Variants in GIGYF2 observed in about 807,000 individuals in gnomAD.
The protein encoded by GIGYF2 is GRB10-interacting GYF protein 2.
A neutral mutation model predicts 208.1 loss-of-function variants in GIGYF2; 25 were observed. That is an observed-to-expected ratio of 0.12 (90% CI 0.09 to 0.17). GIGYF2 has a LOEUF of 0.17. GIGYF2 is among the 10% of genes least tolerant of loss of function. The pLI is 1.00. For missense variants in GIGYF2, 1,302 were observed against 1,579.4 expected (o/e 0.82, Z 2.98); for synonymous variants, 534 against 543.8 (o/e 0.98, Z 0.25).
chr2:232,839,484 A>G (rs960737417), intron 22 of GIGYF2, among the ~76,000 whole-genome samples: 3 of 152,212 alleles, frequency 2.0e-5, no homozygotes, highest in Non-Finnish European at 4.4e-5. Flanking sequence ...GCTTTCGTCA[A>G]TTAAAAAATC....
At chr2:232,847,092 T>C (rs762048559) in intron 26 of GIGYF2, among the ~76,000 whole-genome samples, 15 of 152,222 alleles carry the variant, frequency 9.9e-5, no homozygotes, top group Non-Finnish European at 1.8e-4. Context: ...ACTTCAGCCT[T>C]AGTCAAGTAA....
intron 2 of GIGYF2, among the ~76,000 whole-genome samples, chr2:232,722,374 C>T (rs1696984323): frequency 6.6e-6 from 1 of 152,030 alleles, no homozygotes; most frequent in African/African-American, 2.4e-5. Context: ...GGGAAGAGCC[C>T]CTTATAAAAC....
chr2:232,770,728 A>AT (rs59336151), intron 8 of GIGYF2, among the ~76,000 whole-genome samples: 47,930 of 150,960 alleles, frequency 0.32, 7,939 homozygotes, highest in South Asian at 0.62. Flanking sequence ...CATTTCTCCT[A>AT]TTTTTTTTGG....
chr2:232,749,136 A>T (rs1698252913), intron 5 of GIGYF2, 54 bp downstream of exon 5: 2 of 877,636 alleles, frequency 2.3e-6, no homozygotes, highest in South Asian at 1.3e-5. Flanking sequence ...CTGCTAAGGC[A>T]TGAAAATAGG....
chr2:232,736,114 CTCG>C, intron 3 of GIGYF2: 1 of 958,258 alleles, frequency 1.0e-6, no homozygotes, highest in South Asian at 4.8e-5. Flanking sequence ...TATATGTAAT[CTCG>C]AAGTTTTCTT....
Position 232,791,240 on chromosome 2 carries a change from G to T in GIGYF2, c.1094-18G>T. The T allele has an allele frequency of 6.2e-7, 1 of 1,613,942 alleles. No homozygotes were observed. The highest frequency in any genetic ancestry group is 8.5e-7 in the Non-Finnish European group (1 of 1,179,922). On this transcript the variant is annotated intron_variant, in intron 11 of 28. Transcript: ENST00000373563. ...CCAAAACTTTCGTAAGTTCAACTAA[G>T]ATTACTTCGTGTTCCAGAAGCTAGT...
chr2:232,812,410 A>G lies in GIGYF2; in HGVS notation c.2026A>G (p.Ile676Val). The change falls in exon 18 of 29, where the codon ATT becomes GTT. Residue 676 changes from isoleucine (I) to valine (V), a missense_variant. Physicochemically the swap from Ile to Val is conservative, Grantham distance 29. Coordinates refer to ENST00000373563, the MANE Select transcript of GIGYF2 (RefSeq NM_001103146.3). The part of the protein sequence containing the change: ...LKMRISDQNI[I>V]PSVTRSVSVP... ...TTGCAGAATATCTGATCAGAACATC[A>G]TTCCCTCAGTAACTAGGTCTGTGTC... The G allele has an allele frequency of 6.8e-7, 1 of 1,466,350 alleles. No homozygotes were observed. The highest frequency in any genetic ancestry group is 9.6e-7 in the Non-Finnish European group (1 of 1,045,772). 90.8% of individuals were successfully genotyped at this position (1,466,350 alleles called of 1,614,324 possible).
In GIGYF2 at chr2:232,784,386, C is replaced by CTTTTTTTTTTTTTTTTTT. The variant is rs10645449; in HGVS notation, c.533-2760_533-2743dup. Among the ~76,000 whole-genome samples the CTTTTTTTTTTTTTTTTTT allele has an allele frequency of 1.7e-4, 16 of 92,310 alleles. 2 individuals carry two copies. Among genetic ancestry groups the CTTTTTTTTTTTTTTTTTT allele is most frequent in the Non-Finnish European group, 2.9e-4 (14 of 49,052 alleles). The allele number at this position is 92,310 out of a possible 152,430, so 60.6% of individuals were successfully genotyped here. A position where few individuals can be genotyped will look rare whatever the true frequency, so the allele number is the denominator to read the frequency against. ...TCTAGCTACTTACACGAAATAATTTCTTTTTTTTTTTTTTTTTTTTTGAGA... is the reference window on the plus strand; with the variant it reads ...TCTAGCTACTTACACGAAATAATTTCTTTTTTTTTTTTTTTTTTTTTTTTTTTTTTTTTTTTTTTGAGA... On this transcript the variant is annotated intron_variant, in intron 8 of 28. Transcript: ENST00000373563.
intron 8 of GIGYF2, among the ~76,000 whole-genome samples, chr2:232,764,070 C>T (rs1011254492): frequency 6.6e-6 from 1 of 152,122 alleles, no homozygotes; most frequent in Non-Finnish European, 1.5e-5. Flanking sequence ...ATCAGATTTT[C>T]AAATCATTCA....
At chr2:232,791,539 C>T (rs1700070820) in intron 12 of GIGYF2, 93 bp downstream of exon 12, 1 of 1,068,296 alleles carries the variant, frequency 9.4e-7, no homozygotes, top group Admixed American at 2.0e-5. Flanking sequence ...CCTCCTAGAA[C>T]TGCTTTTAGT....
At chr2:232,816,032 CAAG>C in intron 19 of GIGYF2, 1 of 375,462 alleles carries the variant, frequency 2.7e-6, no homozygotes, top group Non-Finnish European at 5.0e-6. Context: ...TTATAAGTAA[CAAG>C]AATGTGAGAA....
intron 12 of GIGYF2, among the ~76,000 whole-genome samples, chr2:232,791,856 G>A (rs187833989): frequency 1.9e-4 from 29 of 152,316 alleles, no homozygotes; most frequent in Admixed American, 1.6e-3. Flanking sequence ...AAGAGGACAA[G>A]TAGAGAACAT....
chr2:232,826,975 A>AT (rs1421199764), intron 21 of GIGYF2, among the ~76,000 whole-genome samples: 2 of 152,174 alleles, frequency 1.3e-5, no homozygotes, highest in African/African-American at 4.8e-5. Flanking sequence ...TGATTGTTGC[A>AT]TTTTTTTAAG....
intron 2 of GIGYF2, among the ~76,000 whole-genome samples, chr2:232,727,777 G>A (rs6704763): frequency 0.66 from 99,532 of 151,938 alleles, 32,884 homozygotes; most frequent in South Asian, 0.79. Context: ...TTGTAACTCT[G>A]TGGATTCACT....
intron 28 of GIGYF2, among the ~76,000 whole-genome samples, chr2:232,851,750 A>G (rs1690342523): frequency 6.6e-6 from 1 of 152,188 alleles, no homozygotes; most frequent in South Asian, 2.1e-4. Context: ...TGAATGTAAA[A>G]TTAGTGGCTA....
At chr2:232,856,479 C>T in intron 28 of GIGYF2, among the ~76,000 whole-genome samples, 1 of 151,962 alleles carries the variant, frequency 6.6e-6, no homozygotes, top group Admixed American at 6.5e-5. Flanking sequence ...CATTTGAGGT[C>T]AGGAGTTCAA....
chr2:232,726,751 C>A (rs78094845), intron 2 of GIGYF2, among the ~76,000 whole-genome samples: 1 of 152,014 alleles, frequency 6.6e-6, no homozygotes, highest in African/African-American at 2.4e-5. Context: ...AGATCTTGCC[C>A]GCTCCATACC....
intron 16 of GIGYF2, chr2:232,811,004 AT>A (rs973460676): frequency 8.7e-6 from 4 of 462,148 alleles, no homozygotes; most frequent in African/African-American, 5.9e-5. Context: ...TGAATTGTGA[AT>A]TTTTTTGCTA....
In GIGYF2 at chr2:232,815,983, A is replaced by G. The variant is rs556471863; in HGVS notation, c.2208+246A>G. The G allele has an allele frequency of 1.6e-4, 75 of 482,494 alleles. 1 individual carries two copies. In the Middle Eastern group the frequency reaches 1.7e-3, roughly 11 times the overall value. 29.9% of individuals were successfully genotyped at this position (482,494 alleles called of 1,614,324 possible). On this transcript the variant is annotated intron_variant, in intron 19 of 28. Transcript: ENST00000373563. ...GGCACATTGTTGATTATAGACACAT[A>G]TATATTTTAGGTAACATTATTCATG...
Sources: gnomAD v4.1 joint callset for allele counts (sites outside exome capture counted in the v4.1 genomes callset) on GRCh38, gnomAD v4.1.1 for gene constraint, MANE v1.5 for transcripts, NCBI Gene and HGNC (gene_info 2026-07-23, HGNC 2026-07-21) for gene names.